Variants in DOCK4 observed in about 807,000 individuals in gnomAD.
The protein encoded by DOCK4 is dedicator of cytokinesis 4, also known as dedicator of cytokinesis protein 4.
A neutral mutation model predicts 268.1 loss-of-function variants in DOCK4; 97 were observed. That is an observed-to-expected ratio of 0.36 (90% CI 0.31 to 0.43). DOCK4 has a LOEUF of 0.43. DOCK4 is among the 20% of genes least tolerant of loss of function. The pLI, the probability that DOCK4 is intolerant of heterozygous loss-of-function variation, is 1.00. For synonymous variants in DOCK4, 954 were observed against 887.2 expected (o/e 1.08, Z -1.34); for missense variants, 2,145 against 2,455.7 (o/e 0.87, Z 2.67).
At chr7:111,847,272 TTG>T in intron 23 of DOCK4, 146 bp from the exon 24 acceptor site, 1 of 1,028,062 alleles carries the variant, frequency 9.7e-7, no homozygotes, top group Non-Finnish European at 1.4e-6. Flanking sequence ...AAGGTTTATA[TTG>T]AAAAACAGCA....
intron 1 of DOCK4, among the ~76,000 whole-genome samples, chr7:112,058,024 ATT>A (rs67991598): frequency 0.041 from 4,691 of 114,904 alleles, 309 homozygotes; most frequent in African/African-American, 0.14. Flanking sequence ...TACAGGTTCA[ATT>A]TTTTTTTTTT....
At chr7:111,752,190 CA>C (rs1232828035) in intron 42 of DOCK4, among the ~76,000 whole-genome samples, 66 of 152,234 alleles carry the variant, frequency 4.3e-4, no homozygotes, top group African/African-American at 1.5e-3. Flanking sequence ...GTAGATGAAA[CA>C]AAATTGGCTT....
chr7:111,970,745 G>A (rs1369551294), intron 8 of DOCK4, among the ~76,000 whole-genome samples: 3 of 152,194 alleles, frequency 2.0e-5, no homozygotes, highest in Non-Finnish European at 4.4e-5. Context: ...GCCTTCAGGA[G>A]ACGCTGGGCT....
chr7:111,884,523 G>A (rs187586670), intron 16 of DOCK4, among the ~76,000 whole-genome samples: 7 of 152,194 alleles, frequency 4.6e-5, no homozygotes, highest in Admixed American at 6.5e-5. Context: ...GGTAGGTATC[G>A]CTAGGAAAGA....
chr7:111,782,737 G>A, intron 35 of DOCK4, 127 bp downstream of exon 35: 3 of 1,036,748 alleles, frequency 2.9e-6, no homozygotes, highest in Non-Finnish European at 2.9e-6. Flanking sequence ...AAAAACACTT[G>A]TAAATTTAAA....
chr7:111,788,462 G>A (rs972476453), intron 32 of DOCK4, 200 bp downstream of exon 32: 2 of 572,956 alleles, frequency 3.5e-6, no homozygotes, highest in African/African-American at 1.9e-5. Flanking sequence ...AAAACAGGAA[G>A]ACATGCCTAA....
At chr7:111,796,565 G>A (rs778034181) in intron 30 of DOCK4, among the ~76,000 whole-genome samples, 1 of 152,144 alleles carries the variant, frequency 6.6e-6, no homozygotes, top group Non-Finnish European at 1.5e-5. Flanking sequence ...TGGTTTCTAC[G>A]TTCTTCTAAG....
intron 8 of DOCK4, among the ~76,000 whole-genome samples, chr7:111,949,884 G>A (rs576804265): frequency 1.2e-4 from 18 of 152,080 alleles, no homozygotes; most frequent in Admixed American, 4.6e-4. Flanking sequence ...TGCCTTCAAC[G>A]CCCAGAAAAA....
chr7:111,939,514 C>CA (rs55951068), intron 11 of DOCK4, among the ~76,000 whole-genome samples: 20,101 of 80,342 alleles, frequency 0.25, 1,724 homozygotes, highest in Middle Eastern at 0.35. Flanking sequence ...GACTCCTTCT[C>CA]AAAAAAAAAA....
At chr7:111,772,682 G>A (rs896057988) in intron 36 of DOCK4, among the ~76,000 whole-genome samples, 1 of 152,130 alleles carries the variant, frequency 6.6e-6, no homozygotes, top group Non-Finnish European at 1.5e-5. Flanking sequence ...TGTAATCCCA[G>A]CTACTCAGGA....
At chr7:111,955,948 A>G (rs1796415860) in intron 8 of DOCK4, among the ~76,000 whole-genome samples, 1 of 152,194 alleles carries the variant, frequency 6.6e-6, no homozygotes, top group Admixed American at 6.5e-5. Context: ...TACTTGCTTG[A>G]GTCTCTCTCT....
chr7:112,021,273 T>C (rs1280002953), intron 1 of DOCK4, among the ~76,000 whole-genome samples: 1 of 152,238 alleles, frequency 6.6e-6, no homozygotes, highest in Non-Finnish European at 1.5e-5. Context: ...TGTTGGTTCT[T>C]AGCTATGTTT....
intron 1 of DOCK4, among the ~76,000 whole-genome samples, chr7:112,150,681 A>C (rs1815973281): frequency 6.6e-6 from 1 of 152,064 alleles, no homozygotes; most frequent in Non-Finnish European, 1.5e-5. Flanking sequence ...GTTTTGAATA[A>C]AGCTCCAAGC....
intron 1 of DOCK4, among the ~76,000 whole-genome samples, chr7:112,098,340 G>A (rs1400416135): frequency 7.2e-5 from 11 of 151,880 alleles, no homozygotes; most frequent in African/African-American, 2.4e-4. Flanking sequence ...CACCACACCC[G>A]AGTAACTTTT....
At chr7:112,140,401 T>C (rs1286169186) in intron 1 of DOCK4, among the ~76,000 whole-genome samples, 1 of 152,184 alleles carries the variant, frequency 6.6e-6, no homozygotes, top group Non-Finnish European at 1.5e-5. Flanking sequence ...CACAAAAACA[T>C]GCTTTCTGAG....
chr7:112,023,571 T>C (rs1802523681), intron 1 of DOCK4: 1 of 425,512 alleles, frequency 2.4e-6, no homozygotes, highest in Admixed American at 2.8e-5. Flanking sequence ...CCAGAGATTT[T>C]AGGTTATTAG....
intron 52 of DOCK4, 81 bp from the exon 53 acceptor site, chr7:111,728,801 C>T (rs1794857212): frequency 2.2e-6 from 3 of 1,367,638 alleles, no homozygotes; most frequent in African/African-American, 1.4e-5. Context: ...CGCCCCGACG[C>T]GGAGGCCCCG....
chr7:112,075,808 T>A (rs1808015035), intron 1 of DOCK4, among the ~76,000 whole-genome samples: 1 of 151,986 alleles, frequency 6.6e-6, no homozygotes, highest in African/African-American at 2.4e-5. Flanking sequence ...CAGAAATAAA[T>A]ACTATTATGG....
At chr7:112,201,345 C>T (rs1239128581) in intron 1 of DOCK4, among the ~76,000 whole-genome samples, 2 of 152,136 alleles carry the variant, frequency 1.3e-5, no homozygotes, top group Admixed American at 6.5e-5. Flanking sequence ...GAGTGATACT[C>T]GCACCACACA....
Sources: gnomAD v4.1 joint callset for allele counts (sites outside exome capture counted in the v4.1 genomes callset) on GRCh38, gnomAD v4.1.1 for gene constraint, MANE v1.5 for transcripts, NCBI Gene and HGNC (gene_info 2026-07-23, HGNC 2026-07-21) for gene names.